Variants in SKAP1 observed in about 807,000 individuals in gnomAD.
SKAP1 encodes the protein src kinase associated phosphoprotein 1.
In SKAP1, 44 loss-of-function variants were observed where a neutral mutation model predicts 58.5. The observed-to-expected ratio is 0.75, with a 90% CI of 0.59 to 0.97. The LOEUF is 0.97. SKAP1 is among the 50% of genes least tolerant of loss of function. The pLI is 0.00. For synonymous variants in SKAP1, 127 were observed against 149.7 expected (o/e 0.85, Z 1.11); for missense variants, 390 against 435.2 (o/e 0.90, Z 0.92).
Position 48,388,584 on chromosome 17 carries a change from C to T in SKAP1, c.152+8096G>A, listed in dbSNP as rs533154596. Among the ~76,000 whole-genome samples, 35 of 152,222 alleles carry T rather than the reference C, an allele frequency of 2.3e-4. No homozygotes were observed. In the South Asian group the frequency reaches 6.0e-3, roughly 26 times the overall value. On this transcript the variant is annotated intron_variant, in intron 2 of 12. Coordinates refer to ENST00000336915, the MANE Select transcript of SKAP1 (RefSeq NM_003726.4). The stretch of plus-strand genomic sequence containing the variant: ...CATTTTATTTGCTTTGTCATATATC[C>T]TTCCATCCATATTATTTTTTATACA...
chr17:48,233,398 T>C (rs1347612202), intron 4 of SKAP1, among the ~76,000 whole-genome samples: 1 of 152,190 alleles, frequency 6.6e-6, no homozygotes, highest in Non-Finnish European at 1.5e-5. Context: ...ATGTGTGGTT[T>C]TGTTGAACTG....
At position 48,305,251 on chromosome 17, in the gene SKAP1, C is replaced by T. The variant is rs565669914; in HGVS notation, c.280+40654G>A. 9.2e-5 allele frequency among the ~76,000 whole-genome samples: 14 copies of T among 152,246 alleles called. No individual in the cohort carries two copies. In the East Asian group the frequency reaches 2.7e-3, roughly 29 times the overall value. On this transcript the variant is annotated intron_variant, in intron 4 of 12. Coordinates refer to ENST00000336915, the MANE Select transcript of SKAP1 (RefSeq NM_003726.4). ...GGCTGCTGGAGTGCAGTGGTACAAT[C>T]ATGGCTCACTGCAGCCTCAACCCCC...
rs2064480887 is a variant in SKAP1, at chr17:48,187,922, A to G, written c.363T>C (p.His121=). ...QGYLEKKSKD[H]SFFGSEWQKR... ...TCTGCCACTCCGATCCAAAGAAACT[A>G]TGATCTAAACAGAACAGCAGTAGGG... is the stretch of plus-strand genomic sequence containing the variant. The change falls in exon 6 of 13, where the codon CAT becomes CAC. Residue 121 remains histidine, a synonymous_variant. Transcript: ENST00000336915. 6.2e-7 allele frequency: 1 copy of G among 1,613,594 alleles called. No homozygotes were observed. Among genetic ancestry groups the G allele is most frequent in the East Asian group, 2.2e-5 (1 of 44,880 alleles).
intron 2 of SKAP1, among the ~76,000 whole-genome samples, chr17:48,371,400 T>A (rs1380986483): frequency 1.3e-5 from 2 of 152,088 alleles, no homozygotes; most frequent in African/African-American, 2.4e-5. Flanking sequence ...TTCTTGGCCA[T>A]GGAGCTAACC....
chr17:48,296,774 A>C (rs532130821), intron 4 of SKAP1, among the ~76,000 whole-genome samples: 1 of 152,086 alleles, frequency 6.6e-6, no homozygotes, highest in Admixed American at 6.6e-5. Context: ...ATTTTTTCAG[A>C]GAAAAATAGA....
chr17:48,442,641 T>A, the SKAP1 span, among the ~76,000 whole-genome samples: 8 of 152,182 alleles, frequency 5.3e-5, no homozygotes, highest in African/African-American at 1.7e-4. Flanking sequence ...AGTTGCCCAA[T>A]CTGGAACCCT....
intron 11 of SKAP1, among the ~76,000 whole-genome samples, chr17:48,141,372 T>C (rs1325464099): frequency 9.1e-6 from 1 of 109,998 alleles, no homozygotes. Context: ...CCTTGTTAAC[T>C]GGTTTTTGTT....
chr17:48,155,488 C>A (rs2063963681), intron 11 of SKAP1, among the ~76,000 whole-genome samples: 1 of 152,082 alleles, frequency 6.6e-6, no homozygotes, highest in Non-Finnish European at 1.5e-5. Flanking sequence ...GACAGGGTCA[C>A]TTTTCTGAAA....
At chr17:48,288,429 T>A (rs1232337667) in intron 4 of SKAP1, among the ~76,000 whole-genome samples, 1 of 152,234 alleles carries the variant, frequency 6.6e-6, no homozygotes, top group Non-Finnish European at 1.5e-5. Context: ...CTCACACCTG[T>A]AATCCCAGCA....
intron 9 of SKAP1, among the ~76,000 whole-genome samples, chr17:48,173,911 G>T (rs750462306): frequency 2.3e-4 from 35 of 152,168 alleles, no homozygotes; most frequent in Non-Finnish European, 3.7e-4. Context: ...CATTAGCATT[G>T]ATTTTAAAAT....
intron 1 of SKAP1, among the ~76,000 whole-genome samples, chr17:48,424,914 G>A (rs1365214251): frequency 6.9e-6 from 1 of 144,034 alleles, no homozygotes; most frequent in African/African-American, 2.6e-5. Flanking sequence ...ACTGGAGACA[G>A]AGTGAGACTC....
intron 4 of SKAP1, among the ~76,000 whole-genome samples, chr17:48,276,345 C>CG (rs1188101823): frequency 6.6e-6 from 1 of 152,162 alleles, no homozygotes; most frequent in Non-Finnish European, 1.5e-5. Context: ...CCTGATTCCC[C>CG]TGGGCAAAAT....
At chr17:48,300,710 T>C (rs1295096683) in intron 4 of SKAP1, among the ~76,000 whole-genome samples, 2 of 152,232 alleles carry the variant, frequency 1.3e-5, no homozygotes, top group African/African-American at 4.8e-5. Flanking sequence ...GTTCTCACTG[T>C]ATATATTAAT....
chr17:48,261,154 C>A (rs959619472), intron 4 of SKAP1, among the ~76,000 whole-genome samples: 1 of 152,168 alleles, frequency 6.6e-6, no homozygotes, highest in African/African-American at 2.4e-5. Flanking sequence ...CAGTCCTTGA[C>A]AATTTTTGGA....
rs963027748 is a variant in SKAP1 at position 48,139,931 on chromosome 17, G to A, written c.979-2594C>T. Among the ~76,000 whole-genome samples, 7 of 152,234 alleles carry A rather than the reference G, an allele frequency of 4.6e-5. No homozygotes were observed. The South Asian group carries it at 8.3e-4, about 18-fold the overall frequency. ...CTTGCAACCCTCCTCCTTCCTTTCC[G>A]AGAGATGAGGTTCTGTGGAGACTGA... On this transcript the variant is annotated intron_variant, in intron 11 of 12. Coordinates refer to ENST00000336915, the MANE Select transcript of SKAP1 (RefSeq NM_003726.4).
At chr17:48,319,387 T>C (rs2066330827) in intron 4 of SKAP1, among the ~76,000 whole-genome samples, 2 of 151,940 alleles carry the variant, frequency 1.3e-5, no homozygotes, top group Non-Finnish European at 1.5e-5. Flanking sequence ...TGTCTCTAGT[T>C]TTAAAAAGAA....
chr17:48,194,651 C>T (rs2064599783), intron 4 of SKAP1, among the ~76,000 whole-genome samples: 1 of 152,238 alleles, frequency 6.6e-6, no homozygotes, highest in African/African-American at 2.4e-5. Flanking sequence ...AGGCAGCTGG[C>T]TTGGTCTCTT....
At chr17:48,389,569 G>A (rs144555440) in intron 2 of SKAP1, among the ~76,000 whole-genome samples, 60 of 152,290 alleles carry the variant, frequency 3.9e-4, no homozygotes, top group African/African-American at 1.3e-3. Flanking sequence ...ATGCTTGGGG[G>A]CTAAATATGG....
chr17:48,278,142 C>T (rs1040169699), intron 4 of SKAP1, among the ~76,000 whole-genome samples: 12 of 152,158 alleles, frequency 7.9e-5, no homozygotes, highest in African/African-American at 2.9e-4. Flanking sequence ...CTTCTTTGTG[C>T]TAACTTCTTT....
Sources: allele counts gnomAD v4.1 joint callset (sites outside exome capture counted in the v4.1 genomes callset), GRCh38; gene constraint gnomAD v4.1.1; transcripts MANE v1.5; gene names NCBI Gene and HGNC (gene_info 2026-07-23, HGNC 2026-07-21).